The following RBFOX1 variants were observed in gnomAD, a reference collection of about 807,000 sequenced individuals.
RBFOX1 encodes RNA binding fox-1 homolog 1, also known as RNA binding protein fox-1 homolog 1.
In RBFOX1, 8 loss-of-function variants were observed where a neutral mutation model predicts 57.7. The ratio of observed to expected loss-of-function variants is 0.14; its 90% confidence interval spans 0.08 to 0.25. RBFOX1 has a LOEUF of 0.25. RBFOX1 is among the 10% of genes least tolerant of loss of function. The pLI, the probability that RBFOX1 is intolerant of heterozygous loss-of-function variation, is 1.00. For missense variants in RBFOX1, 611 were observed against 548.5 expected (o/e 1.11, Z -1.14); for synonymous variants, 326 against 222.4 (o/e 1.47, Z -4.15).
At chr16:5,308,464 A>G (rs995375572) in intron 1 of RBFOX1, among the ~76,000 whole-genome samples, 24 of 152,204 alleles carry the variant, frequency 1.6e-4, no homozygotes, top group Admixed American at 1.4e-3. Context: ...ATATATTGCC[A>G]GTTCTTGACT....
chr16:6,750,565 T>C (rs780104646), intron 3 of RBFOX1, among the ~76,000 whole-genome samples: 2 of 152,258 alleles, frequency 1.3e-5, no homozygotes, highest in African/African-American at 2.4e-5. Flanking sequence ...GTGACCGAAC[T>C]ATGGTATCTA....
At chr16:5,752,855 A>T (rs1165630669) in intron 3 of RBFOX1, among the ~76,000 whole-genome samples, 1 of 152,200 alleles carries the variant, frequency 6.6e-6, no homozygotes, top group Non-Finnish European at 1.5e-5. Flanking sequence ...AAATTCAGAG[A>T]GAAAGAAAAT....
chr16:7,574,768 A>T (rs1018007013), intron 5 of RBFOX1, among the ~76,000 whole-genome samples: 7 of 152,074 alleles, frequency 4.6e-5, no homozygotes, highest in Non-Finnish European at 8.8e-5. Flanking sequence ...GCATCCTTCA[A>T]TCCAATCAAG....
intron 10 of RBFOX1, among the ~76,000 whole-genome samples, chr16:7,608,982 G>T (rs1045810040): frequency 2.0e-5 from 3 of 151,998 alleles, no homozygotes; most frequent in South Asian, 2.1e-4. Flanking sequence ...TGGGATCGGG[G>T]GCATGGCAGT....
chr16:5,750,359 C>G (rs2053149738), intron 3 of RBFOX1, among the ~76,000 whole-genome samples: 1 of 152,206 alleles, frequency 6.6e-6, no homozygotes, highest in Non-Finnish European at 1.5e-5. Flanking sequence ...AGATGTCAAA[C>G]TCCATGCTGG....
chr16:7,481,011 A>G (rs1429756700), intron 4 of RBFOX1, among the ~76,000 whole-genome samples: 1 of 152,130 alleles, frequency 6.6e-6, no homozygotes, highest in Admixed American at 6.5e-5. Flanking sequence ...TATCCAAGTG[A>G]TATGGCCAAA....
chr16:6,744,310 T>G (rs1020761846), intron 3 of RBFOX1, among the ~76,000 whole-genome samples: 9 of 152,236 alleles, frequency 5.9e-5, no homozygotes, highest in African/African-American at 2.2e-4. Context: ...AGAAAATTAT[T>G]AAATATATAG....
chr16:7,026,904 G>T (rs147396570), intron 3 of RBFOX1, among the ~76,000 whole-genome samples: 2 of 152,176 alleles, frequency 1.3e-5, no homozygotes, highest in African/African-American at 4.8e-5. Flanking sequence ...CCTGTGCCCC[G>T]TAGGGTAATA....
chr16:6,061,945 G>C (rs557440549), intron 1 of RBFOX1, among the ~76,000 whole-genome samples: 6 of 152,272 alleles, frequency 3.9e-5, no homozygotes, highest in African/African-American at 1.2e-4. Context: ...GGAAGCCTCA[G>C]GTTGTGACCT....
intron 5 of RBFOX1, among the ~76,000 whole-genome samples, chr16:7,542,667 C>A (rs1250526345): frequency 8.3e-6 from 1 of 121,114 alleles, no homozygotes; most frequent in African/African-American, 3.2e-5. Flanking sequence ...CTAGCCTGGC[C>A]AACATGGTGA....
intron 3 of RBFOX1, among the ~76,000 whole-genome samples, chr16:6,793,357 C>T (rs561919456): frequency 1.3e-5 from 2 of 151,912 alleles, no homozygotes; most frequent in Non-Finnish European, 2.9e-5. Flanking sequence ...ATATGATTTT[C>T]TTCCATTGAG....
At chr16:5,381,006 C>T (rs553031349) in intron 1 of RBFOX1, among the ~76,000 whole-genome samples, 9 of 152,252 alleles carry the variant, frequency 5.9e-5, no homozygotes, top group South Asian at 2.1e-4. Context: ...CAATCAGTGG[C>T]GGAAAGCATG....
chr16:5,370,851 A>G lies in RBFOX1; in HGVS notation c.220-96365A>G, dbSNP rs546805633. 4.6e-5 allele frequency among the ~76,000 whole-genome samples: 7 copies of G among 152,172 alleles called. No individual in the cohort carries two copies. The South Asian group carries it at 1.2e-3, about 27-fold the overall frequency. ...CACCCACCATCCCCCAATTTTTAGC[A>G]GGCACATGACTCCCCAGGATCAAGA... On this transcript the variant is annotated intron_variant, in intron 1 of 2. Transcript: ENST00000585867.
intron 5 of RBFOX1, among the ~76,000 whole-genome samples, chr16:7,551,889 C>T (rs1156902066): frequency 6.6e-6 from 1 of 152,150 alleles, no homozygotes; most frequent in East Asian, 1.9e-4. Context: ...GTGCACATTT[C>T]TGTATGACAT....
At chr16:7,136,464 T>C (rs2072008393) in intron 4 of RBFOX1, among the ~76,000 whole-genome samples, 1 of 145,674 alleles carries the variant, frequency 6.9e-6, no homozygotes, top group South Asian at 2.2e-4. Context: ...TGGAGGGCAG[T>C]GGTGCAATGA....
intron 3 of RBFOX1, among the ~76,000 whole-genome samples, chr16:5,652,108 T>A (rs1169419784): frequency 6.6e-6 from 1 of 152,212 alleles, no homozygotes; most frequent in Non-Finnish European, 1.5e-5. Flanking sequence ...CATTCCAGCC[T>A]GGACAACATA....
intron 3 of RBFOX1, chr16:5,838,615 G>GTAACTA (rs2056534555): frequency 6.3e-6 from 1 of 158,616 alleles, no homozygotes; most frequent in African/African-American, 2.4e-5. Flanking sequence ...GATACTTTGG[G>GTAACTA]ACATCCATGT....
chr16:7,029,611 A>T (rs910449796), intron 3 of RBFOX1, among the ~76,000 whole-genome samples: 2 of 152,112 alleles, frequency 1.3e-5, no homozygotes, highest in African/African-American at 4.8e-5. Context: ...ATCATTGACA[A>T]TTTGTGGCAA....
chr16:6,847,330 C>T (rs143372749), intron 3 of RBFOX1, among the ~76,000 whole-genome samples: 1 of 152,260 alleles, frequency 6.6e-6, no homozygotes, highest in African/African-American at 2.4e-5. Flanking sequence ...TGGGTCCAGC[C>T]AGACCTGTGT....
Sources: allele counts gnomAD v4.1 joint callset (sites outside exome capture counted in the v4.1 genomes callset), GRCh38; gene constraint gnomAD v4.1.1; transcripts MANE v1.5; gene names NCBI Gene and HGNC (gene_info 2026-07-23, HGNC 2026-07-21).